Variants in PMS2 observed in about 807,000 individuals in gnomAD.
PMS2 encodes PMS1 homolog 2, mismatch repair system component, also known as mismatch repair endonuclease PMS2.
PMS2 carries 69 observed loss-of-function variants against 90.0 expected under a neutral mutation model. The ratio of observed to expected loss-of-function variants is 0.77; its 90% CI spans 0.63 to 0.94. The LOEUF (loss-of-function observed/expected upper bound fraction) is 0.94. PMS2 is among the 40% of genes least tolerant of loss of function. The pLI is 0.00. For synonymous variants in PMS2, 332 were observed against 375.1 expected, an observed-to-expected ratio of 0.89 and a Z score of 1.33; for missense variants, 966 against 1,040.2, an observed-to-expected ratio of 0.93 and a Z score of 0.98.
intron 7 of PMS2, 25 bp from the exon 8 acceptor site, chr7:5,995,658 G>C (rs1196707996): frequency 6.7e-7 from 1 of 1,488,468 alleles, no homozygotes; most frequent in East Asian, 2.3e-5. Flanking sequence ...TATGGTAAGG[G>C]CAGGATTCCA....
chr7:5,990,105 T>G, intron 9 of PMS2, 150 bp from the exon 10 acceptor site: 2 of 486,250 alleles, frequency 4.1e-6, no homozygotes, highest in East Asian at 3.9e-5. Context: ...CCTCCTGGGT[T>G]CAAGTGATTC....
At chr7:5,993,387 AAAAG>A (rs1554299894) in intron 8 of PMS2, among the ~76,000 whole-genome samples, 1 of 125,874 alleles carries the variant, frequency 7.9e-6, no homozygotes, top group Non-Finnish European at 1.6e-5. Flanking sequence ...AAAAAAAAAA[AAAAG>A]AAAGAAAGAA....
At chr7:6,009,072 C>A (rs559634583), upstream of PMS2, 58 of 1,600,410 alleles carry the variant, frequency 3.6e-5, no homozygotes, top group African/African-American at 6.6e-4. Flanking sequence ...TCCAGGGCTC[C>A]CACAGGCGCT....
chr7:5,998,529 C>T (rs190780453), intron 6 of PMS2, among the ~76,000 whole-genome samples: 1,981 of 148,850 alleles, frequency 0.013, 27 homozygotes, highest in Middle Eastern at 0.036. Flanking sequence ...CCCATCTCTA[C>T]TAAAAATACA....
chr7:6,002,260 A>T (rs1583401142), intron 5 of PMS2, 193 bp downstream of exon 5: 6 of 553,888 alleles, frequency 1.1e-5, no homozygotes, highest in Non-Finnish European at 1.9e-5. Flanking sequence ...AATAAACACT[A>T]TGTGATGAAA....
chr7:5,997,343 A>G lies in PMS2; in HGVS notation c.786T>C (p.Ala262=). Residue 262 remains alanine (A), a synonymous_variant, in exon 7 of 15, where the codon GCT becomes GCC. Transcript: ENST00000265849. Reference sequence around the variant, plus strand: ...CTACTTACTAAAAAAGATTATGCAGAGCATCGGAACAGCTCAAACCGTACT... The same window carrying G: ...CTACTTACTAAAAAAGATTATGCAGGGCATCGGAACAGCTCAAACCGTACT... The part of the protein sequence containing the change: ...CEEYGLSCSD[A]LHNLFYISGF... The G allele has an allele frequency of 1.9e-6, 3 of 1,561,964 alleles. No individual in the cohort carries two copies. The highest frequency in any genetic ancestry group is 2.6e-6 in the Non-Finnish European group (3 of 1,132,902).
At chr7:5,994,636 CGTGGTGGCAG>C (rs1350303351) in intron 8 of PMS2, among the ~76,000 whole-genome samples, 5 of 151,444 alleles carry the variant, frequency 3.3e-5, no homozygotes, top group Non-Finnish European at 7.4e-5. Context: ...ATTAACCAGG[CGTGGTGGCAG>C]GCACCTGTAG....
At chr7:5,999,918 C>T (rs1273690095) in intron 5 of PMS2, among the ~76,000 whole-genome samples, 1 of 152,074 alleles carries the variant, frequency 6.6e-6, no homozygotes, top group Non-Finnish European at 1.5e-5. Context: ...AAGAGATACA[C>T]AAAAATGTTC....
In PMS2 at chr7:6,004,166, C is replaced by T. The variant is rs12538294; in HGVS notation, c.164-108G>A. 4.3e-6 allele frequency: 3 copies of T among 698,126 alleles called. No individual in the cohort carries two copies. The highest frequency in any genetic ancestry group is 7.7e-6 in the Non-Finnish European group (3 of 390,508). 43.2% of individuals were successfully genotyped at this position (698,126 alleles called of 1,614,324 possible). ...GCAAATTTAAGAGTCATAACTATAC[C>T]TTTAGTTAAACATACTAGTGTCATT... is the stretch of plus-strand genomic sequence containing the variant. On this transcript the variant is annotated intron_variant, in intron 2 of 14. Coordinates refer to ENST00000265849, the MANE Select transcript of PMS2 (RefSeq NM_000535.7).
intron 5 of PMS2, 21 bp from the exon 6 acceptor site, chr7:5,999,296 C>T (rs757200578): frequency 6.3e-7 from 1 of 1,596,530 alleles, no homozygotes; most frequent in African/African-American, 1.3e-5. Flanking sequence ...AACACAAACA[C>T]AATATTCTAC....
At chr7:6,004,968 G>A (rs1377415881) in intron 2 of PMS2, among the ~76,000 whole-genome samples, 1 of 151,792 alleles carries the variant, frequency 6.6e-6, no homozygotes, top group Non-Finnish European at 1.5e-5. Flanking sequence ...GCAGTGGTAC[G>A]ATCTTGGCTC....
rs1785792745 is a variant in PMS2 at position 6,006,554 on chromosome 7, G to A, written c.24-523C>T. Among the ~76,000 whole-genome samples, 4 of 152,114 alleles carry A rather than the reference G, an allele frequency of 2.6e-5. No homozygotes were observed. The South Asian group carries it at 8.3e-4, about 31-fold the overall frequency. Reference sequence around the variant, plus strand: ...TGTAATCCTAGCTACTCAGGAGGCTGAGGCAGGAGAATCGCTTAAATCCAG... The same window carrying A: ...TGTAATCCTAGCTACTCAGGAGGCTAAGGCAGGAGAATCGCTTAAATCCAG... On this transcript the variant is annotated intron_variant, in intron 1 of 14. Coordinates refer to ENST00000265849, the MANE Select transcript of PMS2 (RefSeq NM_000535.7).
rs1340959686 is a variant in PMS2, at chr7:6,003,783, T to C, written c.260A>G (p.His87Arg). The C allele has an allele frequency of 6.2e-7, 1 of 1,604,430 alleles. No homozygotes were observed. Among genetic ancestry groups the C allele is most frequent in the Non-Finnish European group, 8.5e-7 (1 of 1,176,172 alleles). Residue 87 changes from histidine (H) to arginine (R), a missense_variant, in exon 4 of 15, where the codon CAT (histidine) becomes CGT (arginine). Coordinates refer to ENST00000265849, the MANE Select transcript of PMS2 (RefSeq NM_000535.7). ...AAACTCTTGAATCTTAGATGTGTGA[T>C]GTTTCAGAGCTGAAAGAGAGTGTAA... ...EENFEGLTLK[H>R]HTSKIQEFAD... is the part of the protein sequence containing the mutation.
intron 9 of PMS2, 101 bp downstream of exon 9, chr7:5,991,872 A>G (rs1336421429): frequency 5.4e-6 from 4 of 740,100 alleles, no homozygotes; most frequent in Non-Finnish European, 9.8e-6. Context: ...TTACATGACC[A>G]TAAATTGTTA....
At chr7:5,999,329 T>G (rs936547243) in intron 5 of PMS2, 54 bp from the exon 6 acceptor site, 7 of 1,490,572 alleles carry the variant, frequency 4.7e-6, no homozygotes, top group Non-Finnish European at 6.6e-6. Context: ...TTATAGGAAT[T>G]ACACAGCTCA....
At chr7:5,977,024 C>T (rs1781736832) in intron 14 of PMS2, among the ~76,000 whole-genome samples, 1 of 113,768 alleles carries the variant, frequency 8.8e-6, no homozygotes, top group Admixed American at 8.6e-5. Context: ...GAGGGAGAAT[C>T]TGTCTAAAAA....
intron 10 of PMS2, among the ~76,000 whole-genome samples, chr7:5,987,855 G>A (rs1783221032): frequency 6.6e-6 from 1 of 152,024 alleles, no homozygotes; most frequent in African/African-American, 2.4e-5. Context: ...AGGAGTTCAG[G>A]ACTGGTCTGG....
At chr7:5,983,117 C>T (rs1209771815) in intron 11 of PMS2, 126 bp from the exon 12 acceptor site, 1 of 1,399,134 alleles carries the variant, frequency 7.1e-7, no homozygotes, top group Non-Finnish European at 9.7e-7. Flanking sequence ...AGCCATCCCG[C>T]TTTCTTTTTT....
At chr7:5,982,547 G>T (rs58032887) in intron 12 of PMS2, among the ~76,000 whole-genome samples, 1 of 151,984 alleles carries the variant, frequency 6.6e-6, no homozygotes, top group East Asian at 1.9e-4. Flanking sequence ...ACGTTGGCCA[G>T]GCTGGTCTCC....
Sources: gnomAD v4.1 joint callset for allele counts (sites outside exome capture counted in the v4.1 genomes callset) on GRCh38, gnomAD v4.1.1 for gene constraint, MANE v1.5 for transcripts, NCBI Gene and HGNC (gene_info 2026-07-23, HGNC 2026-07-21) for gene names.